The following SEMA3C variants were observed in gnomAD, a reference collection of about 807,000 sequenced individuals.
SEMA3C encodes semaphorin-3C.
SEMA3C carries 47 observed loss-of-function variants against 89.4 expected under a neutral mutation model. The observed-to-expected ratio is 0.53, with a 90% CI of 0.42 to 0.67. The LOEUF is 0.67. Among genes scored for constraint, SEMA3C ranks in the 30% least tolerant of loss-of-function variants. The pLI, the probability that SEMA3C is intolerant of heterozygous loss-of-function variation, is 0.00. For missense variants in SEMA3C, 839 were observed against 929.1 expected (o/e 0.90, Z 1.26); for synonymous variants, 310 against 320.2 (o/e 0.97, Z 0.34).
At chr7:80,801,190 G>T (rs1412766081) in intron 9 of SEMA3C, among the ~76,000 whole-genome samples, 1 of 151,984 alleles carries the variant, frequency 6.6e-6, no homozygotes, top group African/African-American at 2.4e-5. Flanking sequence ...CAAAGCTGTA[G>T]AAATATTCTG....
At chr7:80,869,146 A>G (rs993156837) in intron 2 of SEMA3C, among the ~76,000 whole-genome samples, 1 of 152,208 alleles carries the variant, frequency 6.6e-6, no homozygotes, top group Admixed American at 6.5e-5. Context: ...CACAATTTTT[A>G]GTCGCTGGAA....
intron 15 of SEMA3C, among the ~76,000 whole-genome samples, 193 bp downstream of exon 15, chr7:80,758,138 A>T (rs966537721): frequency 6.6e-6 from 1 of 152,196 alleles, no homozygotes; most frequent in Non-Finnish European, 1.5e-5. Flanking sequence ...TGGATTTACC[A>T]TATCTGTGAG....
chr7:80,810,355 A>G (rs2115714040), intron 6 of SEMA3C, among the ~76,000 whole-genome samples: 1 of 152,300 alleles, frequency 6.6e-6, no homozygotes, highest in South Asian at 2.1e-4. Flanking sequence ...ATATAAGTAT[A>G]CATATACACA....
At chr7:80,825,820 A>G (rs1387042528) in intron 4 of SEMA3C, among the ~76,000 whole-genome samples, 1 of 152,198 alleles carries the variant, frequency 6.6e-6, no homozygotes, top group Non-Finnish European at 1.5e-5. Context: ...AGTTTAATTC[A>G]TCCACAATTA....
rs368544044 is a variant in SEMA3C at position 80,799,754 on chromosome 7, C to T, written c.986+1003G>A. ...CTGTAATCCCAGCTACTTAGGCGAC[C>T]GAGGCAGAAGAACTGTTTGAATCCA... On this transcript the variant is annotated intron_variant, in intron 10 of 17. Transcript: ENST00000265361. 1.9e-3 allele frequency among the ~76,000 whole-genome samples: 283 copies of T among 151,676 alleles called. 1 individual carries two copies. Among genetic ancestry groups the T allele is most frequent in the African/African-American group, 5.2e-3 (216 of 41,376 alleles).
chr7:80,862,169 G>A (rs891798968), intron 2 of SEMA3C, among the ~76,000 whole-genome samples: 3 of 152,222 alleles, frequency 2.0e-5, no homozygotes, highest in Admixed American at 6.5e-5. Flanking sequence ...GTTTGCTGAT[G>A]ATAGGACCAT....
intron 16 of SEMA3C, among the ~76,000 whole-genome samples, chr7:80,750,451 TATATATATATATATATATATATACACAC>T (rs1787900628): frequency 1.8e-5 from 1 of 55,748 alleles, no homozygotes. Context: ...TATATATATA[TATATATATATATATATATATATACACAC>T]ACACACACAC....
chr7:80,859,226 A>G (rs1242134334), intron 2 of SEMA3C, among the ~76,000 whole-genome samples: 1 of 152,098 alleles, frequency 6.6e-6, no homozygotes, highest in Non-Finnish European at 1.5e-5. Context: ...GAGCCACTGT[A>G]ATGGTTTATC....
At chr7:80,803,527 G>C (rs571810787) in intron 8 of SEMA3C, among the ~76,000 whole-genome samples, 1 of 152,106 alleles carries the variant, frequency 6.6e-6, no homozygotes, top group African/African-American at 2.4e-5. Context: ...GTCAGGATAA[G>C]TCTGTAAAAC....
In SEMA3C at chr7:80,744,617, C is replaced by T. The variant is rs1787756178; in HGVS notation, c.*277G>A. On this transcript the variant is annotated 3_prime_UTR_variant, in exon 18 of 18. Transcript: ENST00000265361. ...TGCAACAATTCTAGTTTTGCAGCCACCATATCGATTTTGAAGAAAAGGTGA... is the reference window on the plus strand; with the variant it reads ...TGCAACAATTCTAGTTTTGCAGCCATCATATCGATTTTGAAGAAAAGGTGA... 1 of 424,826 alleles carries T rather than the reference C, an allele frequency of 2.4e-6. No homozygotes were observed. The highest frequency in any genetic ancestry group is 4.2e-6 in the Non-Finnish European group (1 of 236,828). The allele number at this position is 424,826 out of a possible 1,614,324, so 26.3% of individuals were successfully genotyped here. A position where few individuals can be genotyped will look rare whatever the true frequency, so the allele number is the denominator to read the frequency against.
chr7:80,877,623 C>G (rs1791231294), intron 2 of SEMA3C, among the ~76,000 whole-genome samples: 1 of 152,124 alleles, frequency 6.6e-6, no homozygotes, highest in Non-Finnish European at 1.5e-5. Flanking sequence ...ATATACTTAT[C>G]AGTTGAAAGA....
At chr7:80,907,666 G>T (rs1792047311) in intron 2 of SEMA3C, among the ~76,000 whole-genome samples, 1 of 152,054 alleles carries the variant, frequency 6.6e-6, no homozygotes, top group Non-Finnish European at 1.5e-5. Context: ...TCATTAGTAT[G>T]TAATAATGTT....
intron 14 of SEMA3C, among the ~76,000 whole-genome samples, chr7:80,758,778 C>G (rs1159410350): frequency 2.0e-5 from 3 of 152,150 alleles, no homozygotes; most frequent in Non-Finnish European, 4.4e-5. Context: ...TTGGAGCTAA[C>G]ATATTACAGA....
intron 12 of SEMA3C, among the ~76,000 whole-genome samples, chr7:80,774,075 T>A (rs1788493214): frequency 6.6e-6 from 1 of 152,150 alleles, no homozygotes; most frequent in Admixed American, 6.6e-5. Flanking sequence ...CATAACCTAA[T>A]CTGATAAGAT....
At chr7:80,781,383 ACT>A (rs1788687516) in intron 12 of SEMA3C, among the ~76,000 whole-genome samples, 1 of 152,022 alleles carries the variant, frequency 6.6e-6, no homozygotes, top group African/African-American at 2.4e-5. Context: ...AACACATACG[ACT>A]CTAATACCAC....
At chr7:80,919,271 G>C, upstream of SEMA3C, 2 of 985,250 alleles carry the variant, frequency 2.0e-6, no homozygotes, top group South Asian at 4.7e-5. Context: ...CCGACCCTTA[G>C]AGCTCGCGGC....
At chr7:80,889,757 T>C (rs1007677427) in intron 2 of SEMA3C, among the ~76,000 whole-genome samples, 7 of 152,284 alleles carry the variant, frequency 4.6e-5, no homozygotes, top group Middle Eastern at 3.4e-3. Flanking sequence ...AGATTCTTTT[T>C]TTCTTTATAG....
intron 11 of SEMA3C, among the ~76,000 whole-genome samples, chr7:80,797,348 A>G (rs778484928): frequency 1.3e-5 from 2 of 152,268 alleles, no homozygotes; most frequent in Admixed American, 6.5e-5. Flanking sequence ...CGGTTCTAAT[A>G]TTCCAGTGCA....
intron 12 of SEMA3C, among the ~76,000 whole-genome samples, chr7:80,779,772 G>T (rs1262015074): frequency 6.6e-6 from 1 of 152,090 alleles, no homozygotes; most frequent in Non-Finnish European, 1.5e-5. Context: ...AAATATAAAA[G>T]TGATGGTATG....
Sources: gnomAD v4.1 joint callset for allele counts (sites outside exome capture counted in the v4.1 genomes callset) on GRCh38, gnomAD v4.1.1 for gene constraint, MANE v1.5 for transcripts, NCBI Gene and HGNC (gene_info 2026-07-23, HGNC 2026-07-21) for gene names.